The following FRMPD4 variants were observed in gnomAD, a reference collection of about 807,000 sequenced individuals.
FRMPD4 encodes the protein FERM and PDZ domain containing 4.
Under a neutral mutation model 94.1 loss-of-function variants are expected in FRMPD4, and 22 were observed. The ratio of observed to expected loss-of-function variants is 0.23; its 90% confidence interval spans 0.17 to 0.33. The LOEUF (loss-of-function observed/expected upper bound fraction) is 0.33, where lower values mean the gene tolerates loss of function less well. Among genes scored for constraint, FRMPD4 ranks in the 10% least tolerant of loss-of-function variants. FRMPD4 has a pLI of 1.00. For synonymous variants in FRMPD4, 631 were observed against 548.6 expected (o/e 1.15, Z -2.10); for missense variants, 1,111 against 1,339.9 (o/e 0.83, Z 2.67).
At chrX:12,481,932 G>C (rs1187512954) in intron 1 of FRMPD4, among the ~76,000 whole-genome samples, 1 of 11,234 alleles carries the variant, frequency 8.9e-5, no homozygotes, top group East Asian at 3.6e-3. Flanking sequence ...GACAGAGCAA[G>C]ACTACATCTC....
At chrX:12,618,804 C>CT (rs2059260784) in intron 4 of FRMPD4, among the ~76,000 whole-genome samples, 1 of 111,515 alleles carries the variant, frequency 9.0e-6, no homozygotes, top group Non-Finnish European at 1.9e-5. Context: ...ATGCCATAGA[C>CT]TTTTCCCTCC....
At chrX:11,863,384 G>A (rs2053699698) in intron 1 of FRMPD4, among the ~76,000 whole-genome samples, 1 of 110,981 alleles carries the variant, frequency 9.0e-6, no homozygotes, top group Admixed American at 9.6e-5. Context: ...GTATTCCATG[G>A]TGTATATGTG....
intron 2 of FRMPD4, among the ~76,000 whole-genome samples, chrX:12,546,120 G>A (rs1359642458): frequency 9.0e-6 from 1 of 111,120 alleles, no homozygotes; most frequent in Non-Finnish European, 1.9e-5. Flanking sequence ...TTATGAGATA[G>A]CCATCATTTA....
chrX:12,451,912 A>T (rs1009620823), intron 1 of FRMPD4, among the ~76,000 whole-genome samples: 3 of 110,498 alleles, frequency 2.7e-5, no homozygotes, highest in African/African-American at 9.9e-5. Context: ...TATCTCTAGC[A>T]GCTCTATTCT....
intron 2 of FRMPD4, among the ~76,000 whole-genome samples, chrX:12,547,776 T>C (rs1325346929): frequency 8.9e-6 from 1 of 112,474 alleles, no homozygotes; most frequent in African/African-American, 3.2e-5. Flanking sequence ...CCTTTTGCAT[T>C]AACAAACATC....
chrX:12,704,194 G>C (rs2041837067), intron 10 of FRMPD4, among the ~76,000 whole-genome samples, 165 bp from the exon 11 acceptor site: 1 of 112,627 alleles, frequency 8.9e-6, no homozygotes, highest in African/African-American at 3.2e-5. Context: ...TGATCAAGTA[G>C]TGTGTGTCCT....
intron 3 of FRMPD4, among the ~76,000 whole-genome samples, chrX:12,013,680 T>G (rs2054591621): frequency 8.8e-6 from 1 of 113,422 alleles, no homozygotes. Context: ...CATTAGTACA[T>G]GAACCTGGCA....
chrX:11,859,672 C>T (rs991163791), intron 1 of FRMPD4, among the ~76,000 whole-genome samples: 2 of 111,935 alleles, frequency 1.8e-5, no homozygotes, highest in African/African-American at 6.5e-5. Flanking sequence ...ATGGTTTTCT[C>T]CACATATTTT....
intron 2 of FRMPD4, among the ~76,000 whole-genome samples, chrX:12,526,624 A>C (rs1225190082): frequency 8.9e-6 from 1 of 111,733 alleles, no homozygotes; most frequent in Admixed American, 9.5e-5. Context: ...CACATTCTCT[A>C]AATCTTCCTC....
chrX:12,658,871 C>G (rs1200498789), intron 4 of FRMPD4, among the ~76,000 whole-genome samples: 1 of 112,192 alleles, frequency 8.9e-6, no homozygotes, highest in Non-Finnish European at 1.9e-5. Flanking sequence ...TGGGCCCACA[C>G]TTCCACCTTG....
intron 1 of FRMPD4, among the ~76,000 whole-genome samples, chrX:12,193,338 A>G (rs1434487302): frequency 9.0e-6 from 1 of 111,124 alleles, no homozygotes; most frequent in Non-Finnish European, 1.9e-5. Flanking sequence ...ATTGTTGGTA[A>G]TTACATCTCA....
At chrX:12,188,201 C>T (rs1241505706) in intron 1 of FRMPD4, among the ~76,000 whole-genome samples, 1 of 111,894 alleles carries the variant, frequency 8.9e-6, no homozygotes, top group Non-Finnish European at 1.9e-5. Context: ...AGCAGCATGT[C>T]TCCTAGTTCT....
intron 1 of FRMPD4, among the ~76,000 whole-genome samples, chrX:11,826,898 G>A (rs867924282): frequency 9.2e-6 from 1 of 109,022 alleles, no homozygotes; most frequent in Middle Eastern, 4.7e-3. Flanking sequence ...TGCAAGCACC[G>A]TGAGAGAGGT....
intron 2 of FRMPD4, among the ~76,000 whole-genome samples, chrX:12,563,330 G>A (rs1225952061): frequency 9.0e-6 from 1 of 110,783 alleles, no homozygotes; most frequent in Non-Finnish European, 1.9e-5. Context: ...CAAAGCCCTG[G>A]TTCCTCCCAG....
rs182356952 is a variant in FRMPD4, at chrX:12,214,418, A to T, written c.41+75406A>T. On this transcript the variant is annotated intron_variant, in intron 1 of 16. Coordinates refer to ENST00000675598, the MANE Select transcript of FRMPD4 (RefSeq NM_001368397.1). ...CATAGGAACTCTATCTGTACATTTT[A>T]AAAAATCTGTTATGATTTATACCCT... 4.4e-5 allele frequency among the ~76,000 whole-genome samples: 5 copies of T among 112,412 alleles called. No individual in the cohort carries two copies. In the East Asian group the frequency reaches 8.3e-4, roughly 19 times the overall value.
intron 1 of FRMPD4, among the ~76,000 whole-genome samples, chrX:12,472,768 G>T (rs755729871): frequency 9.0e-6 from 1 of 111,532 alleles, no homozygotes; most frequent in South Asian, 3.7e-4. Flanking sequence ...AGAGAAAAAA[G>T]AATAAAAAGA....
intron 1 of FRMPD4, among the ~76,000 whole-genome samples, chrX:11,839,469 G>A: frequency 9.0e-6 from 1 of 111,421 alleles, no homozygotes. Context: ...TGAGTTGCAA[G>A]AGTTCTTTAC....
intron 1 of FRMPD4, among the ~76,000 whole-genome samples, chrX:12,194,607 G>A (rs1465521045): frequency 1.8e-5 from 2 of 111,573 alleles, no homozygotes; most frequent in African/African-American, 6.5e-5. Flanking sequence ...TGGGTGTTTT[G>A]TGTATGATTT....
chrX:12,305,477 A>T (rs2054920530), intron 1 of FRMPD4, among the ~76,000 whole-genome samples: 1 of 111,392 alleles, frequency 9.0e-6, no homozygotes, highest in Non-Finnish European at 1.9e-5. Context: ...CAAAAGTCAG[A>T]TGTGGAAATC....
Sources: allele counts gnomAD v4.1 joint callset (sites outside exome capture counted in the v4.1 genomes callset), GRCh38; gene constraint gnomAD v4.1.1; transcripts MANE v1.5; gene names NCBI Gene and HGNC (gene_info 2026-07-23, HGNC 2026-07-21).